Variants in CCDC136 observed in about 807,000 individuals in gnomAD.
CCDC136 encodes coiled-coil domain-containing protein 136.
A neutral mutation model predicts 141.2 loss-of-function variants in CCDC136; 100 were observed. The observed-to-expected ratio is 0.71, with a 90% confidence interval of 0.60 to 0.84. CCDC136 has a LOEUF of 0.84. Among genes scored for constraint, CCDC136 ranks in the 40% least tolerant of loss-of-function variants. The pLI, the probability that CCDC136 is intolerant of heterozygous loss-of-function variation, is 0.00. For missense variants in CCDC136, 1,206 were observed against 1,379.4 expected, an observed-to-expected ratio of 0.87 and a Z score of 1.99; for synonymous variants, 474 against 531.9, an observed-to-expected ratio of 0.89 and a Z score of 1.50.
chr7:128,817,000 C>G (rs1159315976), intron 16 of CCDC136, among the ~76,000 whole-genome samples: 2 of 152,210 alleles, frequency 1.3e-5, no homozygotes, highest in Admixed American at 1.3e-4. Context: ...TATCATGTTT[C>G]CTTGAGCTCA....
chr7:128,806,642 G>T (rs1388840243), intron 8 of CCDC136, 46 bp from the exon 9 acceptor site: 2 of 1,556,406 alleles, frequency 1.3e-6, no homozygotes, highest in African/African-American at 1.4e-5. Context: ...AAGAGTGAGT[G>T]GGTTAAGGAG....
At chr7:128,793,157 C>T (rs1016291558) in intron 1 of CCDC136, among the ~76,000 whole-genome samples, 1 of 152,254 alleles carries the variant, frequency 6.6e-6, no homozygotes, top group Admixed American at 6.5e-5. Flanking sequence ...AATTTTAAAA[C>T]AAAGCAAACA....
Position 128,794,215 on chromosome 7 carries a change from C to T in CCDC136, c.17-133C>T, listed in dbSNP as rs1196977411. On this transcript the variant is annotated intron_variant, in intron 1 of 17. Coordinates refer to ENST00000297788, the MANE Select transcript of CCDC136 (RefSeq NM_022742.5). The surrounding 1 kb of genome is among the most constrained non-coding windows in gnomAD (Gnocchi z 4.3). ...CTCATCTTGAGTACAGGTCTTGCCC[C>T]GGGGCTCCTTGGGGGACACCAGGTG... 8 of 1,271,030 alleles carry T rather than the reference C, an allele frequency of 6.3e-6. No individual in the cohort carries two copies. In the East Asian group the frequency reaches 1.8e-4, roughly 28 times the overall value. 78.7% of individuals were successfully genotyped at this position (1,271,030 alleles called of 1,614,324 possible).
rs1806782855 is a variant in CCDC136 at position 128,817,287 on chromosome 7, T to C, written c.3364-471T>C. On this transcript the variant is annotated intron_variant, in intron 16 of 17. Coordinates refer to ENST00000297788, the MANE Select transcript of CCDC136 (RefSeq NM_022742.5). This position sits in a 1 kb window ranked among gnomAD's most constrained non-coding sequence, Gnocchi z 4.6. ...TGTTTCGGTGCATGTTGTCTTACAA[T>C]GATATCATTAGATTCCTAGGGGATC... Among the ~76,000 whole-genome samples the C allele has an allele frequency of 6.6e-6, 1 of 152,194 alleles. No individual in the cohort carries two copies. Among genetic ancestry groups the C allele is most frequent in the Non-Finnish European group, 1.5e-5 (1 of 68,036 alleles).
At position 128,805,253 on chromosome 7, in the gene CCDC136, C is replaced by T. The variant is rs1266763453; in HGVS notation, c.783-106C>T. The T allele has an allele frequency of 2.2e-6, 2 of 907,294 alleles. No homozygotes were observed. Among genetic ancestry groups the T allele is most frequent in the Non-Finnish European group, 3.5e-6 (2 of 574,124 alleles). 56.2% of individuals were successfully genotyped at this position (907,294 alleles called of 1,614,324 possible). ...GAGCGGTGAGTCACAATAGAAGGCC[C>T]CTTACTATCTTTGGCCTAAAATGAA... On this transcript the variant is annotated intron_variant, in intron 5 of 17. Transcript: ENST00000297788. The surrounding 1 kb of genome is among the most constrained non-coding windows in gnomAD (Gnocchi z 4.6).
chr7:128,806,878 AG>A lies in CCDC136; in HGVS notation c.1419+23del. ...GAGAAGGTAAAAGAAGCTCCTGGTGAGGGAGGATGTAGCCAGGCATCATCTT... is the reference window on the plus strand; with the variant it reads ...GAGAAGGTAAAAGAAGCTCCTGGTGAGGAGGATGTAGCCAGGCATCATCTT... On this transcript the variant is annotated intron_variant, in intron 9 of 17. Transcript: ENST00000297788. 6.3e-7 allele frequency: 1 copy of A among 1,582,280 alleles called. No homozygotes were observed. Among genetic ancestry groups the A allele is most frequent in the South Asian group, 1.2e-5 (1 of 86,936 alleles).
At chr7:128,802,542 C>A (rs752884522) in intron 4 of CCDC136, among the ~76,000 whole-genome samples, 3 of 152,080 alleles carry the variant, frequency 2.0e-5, no homozygotes, top group African/African-American at 7.2e-5. Context: ...TTTCTCTGAG[C>A]CTGTTTCTAT....
In CCDC136 at chr7:128,801,467, C is replaced by T. The variant is rs1804010674; in HGVS notation, c.628C>T (p.Pro210Ser). 6.2e-7 allele frequency: 1 copy of T among 1,611,632 alleles called. No individual in the cohort carries two copies. The highest frequency in any genetic ancestry group is 1.1e-5 in the South Asian group (1 of 90,894). ...AGAAATGGAAATGAAGAGCTCTGAA[C>T]CATCCGGTAGTTTAGGTCTCTCAGA... ...RAEMEMKSSE[P>S]SGSLGLSDYS... Residue 210 changes from proline (P) to serine (S), a missense_variant, in exon 4 of 18, where the codon CCA becomes TCA. Coordinates refer to ENST00000297788, the MANE Select transcript of CCDC136 (RefSeq NM_022742.5).
At chr7:128,804,871 G>A in intron 5 of CCDC136, 110 bp downstream of exon 5, 1 of 661,838 alleles carries the variant, frequency 1.5e-6, no homozygotes, top group South Asian at 1.9e-5. Flanking sequence ...CTTTGCTCCT[G>A]GAGACCCAGT....
At position 128,806,385 on chromosome 7, in the gene CCDC136, A is replaced by C. The variant is rs1334864853; in HGVS notation, c.1238A>C (p.Gln413Pro). 1 of 1,601,640 alleles carries C rather than the reference A, an allele frequency of 6.2e-7. No individual in the cohort carries two copies. Among genetic ancestry groups the C allele is most frequent in the African/African-American group, 1.3e-5 (1 of 74,732 alleles). ...ATGAAATCCACACTTGTAGAAAACCAGAGTGAGAAGGTAACAGCAACCAGA... is the reference window on the plus strand; with the variant it reads ...ATGAAATCCACACTTGTAGAAAACCCGAGTGAGAAGGTAACAGCAACCAGA... ...KVMKSTLVENQSEKELLCRLQ... is the reference protein window; with the variant it reads ...KVMKSTLVENPSEKELLCRLQ... The change falls in exon 8 of 18, where the codon CAG (glutamine) becomes CCG (proline). Residue 413 changes from glutamine (Q) to proline (P), a missense_variant. Transcript: ENST00000297788.
rs773871924 is a variant in CCDC136, at chr7:128,807,518, G to A, written c.1578G>A (p.Pro526=). 37 of 1,476,148 alleles carry A rather than the reference G, an allele frequency of 2.5e-5. No homozygotes were observed. Among genetic ancestry groups the A allele is most frequent in the South Asian group, 4.0e-5 (3 of 74,444 alleles). 91.4% of individuals were successfully genotyped at this position (1,476,148 alleles called of 1,614,324 possible). A position where few individuals can be genotyped will look rare whatever the true frequency, so the allele number is the denominator to read the frequency against. The change falls in exon 10 of 18, where the codon CCG becomes CCA. Residue 526 remains proline (P), a synonymous_variant. Transcript: ENST00000297788. The part of the protein sequence containing the change: ...LKELKASHPI[P]EDKGKCANKC... ...AGCTCAAGGCCTCCCACCCCATTCCGGAGGACAAAGGAAAGTGTGCTAATA... is the reference window on the plus strand; with the variant it reads ...AGCTCAAGGCCTCCCACCCCATTCCAGAGGACAAAGGAAAGTGTGCTAATA...
At chr7:128,797,978 C>T (rs1803306530) in intron 3 of CCDC136, among the ~76,000 whole-genome samples, 3 of 150,064 alleles carry the variant, frequency 2.0e-5, no homozygotes, top group Admixed American at 2.0e-4. Flanking sequence ...AGTGCAGTGG[C>T]GTGATCTCGG....
In CCDC136 at chr7:128,806,272, G is replaced by GA; in HGVS notation, c.1131dup (p.Tyr378IlefsTer2). ...TGAAGTCCAGACTCTGTACCCTGCA[G>GA]AAAAAATATGATACTAGCCAGGATG... On this transcript the variant is annotated frameshift_variant, in exon 8 of 18. Coordinates refer to ENST00000297788, the MANE Select transcript of CCDC136 (RefSeq NM_022742.5). LOFTEE classifies it high-confidence loss of function. 3.8e-6 allele frequency: 6 copies of GA among 1,578,048 alleles called. No homozygotes were observed. The South Asian group carries it at 4.7e-5, about 12-fold the overall frequency.
rs992265132 is a variant in CCDC136, at chr7:128,808,855, C to T, written c.1606-595C>T. On this transcript the variant is annotated intron_variant, in intron 10 of 17. Transcript: ENST00000297788. ...CTGGCAGACAGCACCTGCTTTTTCT[C>T]TAGCCGTAAAACAGCATTGAGATCT... is the stretch of plus-strand genomic sequence containing the variant. 1.2e-5 allele frequency: 12 copies of T among 985,320 alleles called. No homozygotes were observed. In the South Asian group the frequency reaches 5.2e-4, roughly 42 times the overall value. 61.0% of individuals were successfully genotyped at this position (985,320 alleles called of 1,614,324 possible). A position where few individuals can be genotyped will look rare whatever the true frequency, so the allele number is the denominator to read the frequency against.
chr7:128,820,630 G>A (rs1238914795), intron 17 of CCDC136, among the ~76,000 whole-genome samples: 1 of 152,106 alleles, frequency 6.6e-6, no homozygotes, highest in Non-Finnish European at 1.5e-5. Flanking sequence ...ACAGGGTCTC[G>A]CTCTGTCACC....
At chr7:128,812,334 G>C (rs750569724) in intron 13 of CCDC136, 22 bp downstream of exon 13, 2 of 1,602,688 alleles carry the variant, frequency 1.2e-6, no homozygotes, top group South Asian at 1.1e-5. Flanking sequence ...CAGGTGACAG[G>C]TCAGGCAGGG....
At position 128,794,979 on chromosome 7, in the gene CCDC136, C is replaced by A. The variant is rs893362103; in HGVS notation, c.346+211C>A. On this transcript the variant is annotated intron_variant, in intron 3 of 17. Coordinates refer to ENST00000297788, the MANE Select transcript of CCDC136 (RefSeq NM_022742.5). The surrounding 1 kb of genome is among the most constrained non-coding windows in gnomAD (Gnocchi z 4.3). ...TTTCTTTCTTTGCACATCTACCTGG[C>A]TCTTCTGTCCTCCCCTTCCATTTCT... is the stretch of plus-strand genomic sequence containing the variant. Among the ~76,000 whole-genome samples the A allele has an allele frequency of 6.6e-6, 1 of 152,230 alleles. No individual in the cohort carries two copies. The highest frequency in any genetic ancestry group is 1.5e-5 in the Non-Finnish European group (1 of 68,036).
At chr7:128,803,424 G>C (rs1338718400) in intron 4 of CCDC136, among the ~76,000 whole-genome samples, 1 of 152,194 alleles carries the variant, frequency 6.6e-6, no homozygotes, top group East Asian at 1.9e-4. Flanking sequence ...GCCGAGGCAG[G>C]TGGATCACTT....
At position 128,804,618 on chromosome 7, in the gene CCDC136, C is replaced by T. The variant is rs190358347; in HGVS notation, c.671-32C>T. The T allele has an allele frequency of 2.3e-5, 31 of 1,352,502 alleles. No homozygotes were observed. The Admixed American group carries it at 3.0e-4, about 13-fold the overall frequency. The allele number at this position is 1,352,502 out of a possible 1,614,324, so 83.8% of individuals were successfully genotyped here. ...GGTCATCAGTGCTTTCCTTTCCTCC[C>T]GGTCTCATCTCTCTCTGCCTGTCCT... On this transcript the variant is annotated intron_variant, in intron 4 of 17. Coordinates refer to ENST00000297788, the MANE Select transcript of CCDC136 (RefSeq NM_022742.5).
Sources: gnomAD v4.1 joint callset for allele counts (sites outside exome capture counted in the v4.1 genomes callset) on GRCh38, gnomAD v4.1.1 for gene constraint, Gnocchi (gnomAD v3.1) non-coding constraint, MANE v1.5 for transcripts, NCBI Gene and HGNC (gene_info 2026-07-23, HGNC 2026-07-21) for gene names.